The following TPD52 variants were observed in gnomAD, a reference collection of about 807,000 sequenced individuals.
The protein encoded by TPD52 is prostate and colon associated protein.
In TPD52, 17 loss-of-function variants were observed where a neutral mutation model predicts 31.3. That is an observed-to-expected ratio of 0.54 (90% CI 0.37 to 0.82). The LOEUF (loss-of-function observed/expected upper bound fraction) is 0.82. TPD52 is among the 40% of genes least tolerant of loss of function. TPD52 has a pLI of 0.00. For synonymous variants in TPD52, 83 were observed against 89.6 expected (o/e 0.93, Z 0.42); for missense variants, 212 against 240.1 (o/e 0.88, Z 0.77).
In TPD52 at chr8:80,079,655, T is replaced by G. The variant is rs116326994; in HGVS notation, c.20-15062A>C. ...CCAGTTCCCAGCATTGGCTATGAGA[T>G]GAGGGACCCAGCCGGGAGGATGGCT... On this transcript the variant is annotated intron_variant, in intron 1 of 7. Transcript: ENST00000518937. 5.2e-3 allele frequency among the ~76,000 whole-genome samples: 789 copies of G among 152,268 alleles called. 5 individuals carry two copies. Among genetic ancestry groups the G allele is most frequent in the African/African-American group, 0.018 (729 of 41,558 alleles).
intron 3 of TPD52, 89 bp from the exon 4 acceptor site, chr8:80,051,717 G>A: frequency 9.8e-7 from 1 of 1,018,100 alleles, no homozygotes; most frequent in Non-Finnish European, 1.4e-6. Flanking sequence ...GTCACCACCT[G>A]CTGGAGAACT....
At chr8:80,045,731 G>C (rs1810781983) in intron 5 of TPD52, among the ~76,000 whole-genome samples, 1 of 152,198 alleles carries the variant, frequency 6.6e-6, no homozygotes. Context: ...CCAGTTGATG[G>C]AGCTGGTTTG....
At chr8:80,110,886 T>C (rs558711120) in intron 1 of TPD52, among the ~76,000 whole-genome samples, 13 of 152,320 alleles carry the variant, frequency 8.5e-5, no homozygotes, top group African/African-American at 2.9e-4. Context: ...GGTCTGCTGC[T>C]ACCCTATCCA....
At chr8:80,155,189 T>C (rs1355363695) in intron 1 of TPD52, among the ~76,000 whole-genome samples, 6 of 152,114 alleles carry the variant, frequency 3.9e-5, no homozygotes, top group Non-Finnish European at 7.4e-5. Flanking sequence ...ATTGCTTTCA[T>C]GCACCATAAC....
At chr8:80,118,953 T>C (rs1399182662) in intron 1 of TPD52, among the ~76,000 whole-genome samples, 8 of 152,150 alleles carry the variant, frequency 5.3e-5, no homozygotes, top group African/African-American at 1.9e-4. Context: ...AATATGTCTG[T>C]ACAAAAAAAC....
intron 1 of TPD52, among the ~76,000 whole-genome samples, chr8:80,086,730 T>G (rs1053327649): frequency 2.0e-5 from 3 of 151,442 alleles, no homozygotes; most frequent in African/African-American, 7.3e-5. Context: ...AAAAATTAGC[T>G]GGTTGGGGGG....
At chr8:80,138,969 T>C (rs546277560) in intron 1 of TPD52, among the ~76,000 whole-genome samples, 8 of 152,220 alleles carry the variant, frequency 5.3e-5, no homozygotes, top group Non-Finnish European at 8.8e-5. Context: ...CCTCTCCTGC[T>C]AGTGGGGTCT....
At chr8:80,150,089 C>A (rs1242867670) in intron 1 of TPD52, among the ~76,000 whole-genome samples, 4 of 152,226 alleles carry the variant, frequency 2.6e-5, no homozygotes, top group Admixed American at 2.6e-4. Context: ...CAGGGCCCTC[C>A]TGCTGTGTGC....
At chr8:80,084,572 C>A (rs1815586463) in intron 1 of TPD52, among the ~76,000 whole-genome samples, 1 of 152,194 alleles carries the variant, frequency 6.6e-6, no homozygotes, top group African/African-American at 2.4e-5. Flanking sequence ...AGCATCTAAG[C>A]CCCTGCCTCC....
chr8:80,132,039 T>C (rs893891326), intron 1 of TPD52, among the ~76,000 whole-genome samples: 16 of 151,850 alleles, frequency 1.1e-4, no homozygotes, highest in African/African-American at 3.6e-4. Context: ...TTTCTTTTTT[T>C]TTTTTTGGAG....
At chr8:80,048,018 C>A (rs1811034431) in intron 5 of TPD52, among the ~76,000 whole-genome samples, 1 of 152,140 alleles carries the variant, frequency 6.6e-6, no homozygotes. Flanking sequence ...AAGTTTCCCT[C>A]AAAATGCTAA....
intron 1 of TPD52, chr8:80,171,197 G>GCACACT (rs893695683): frequency 2.0e-5 from 14 of 701,658 alleles, no homozygotes; most frequent in African/African-American, 7.0e-5. Flanking sequence ...CCCCACACAC[G>GCACACT]CACACTCACA....
chr8:80,083,108 G>A (rs1815447524), intron 1 of TPD52, among the ~76,000 whole-genome samples: 1 of 151,978 alleles, frequency 6.6e-6, no homozygotes, highest in Admixed American at 6.6e-5. Context: ...AAAGTAGAAA[G>A]GAACTGAAAG....
intron 1 of TPD52, among the ~76,000 whole-genome samples, chr8:80,140,512 G>A (rs1221654679): frequency 2.6e-5 from 4 of 152,146 alleles, no homozygotes; most frequent in Non-Finnish European, 5.9e-5. Flanking sequence ...AGCCATTAAT[G>A]ACCTGAAAGA....
Position 80,035,605 on chromosome 8 carries a change from T to C in TPD52, c.*2511A>G, listed in dbSNP as rs1809846856. 2 of 152,268 alleles carry C rather than the reference T, an allele frequency of 1.3e-5. No homozygotes were observed. Among genetic ancestry groups the C allele is most frequent in the South Asian group, 4.1e-4 (2 of 4,832 alleles). 9.4% of individuals were successfully genotyped at this position (152,268 alleles called of 1,614,324 possible). ...AGATCCAAATTAAATACTTTTTTTC[T>C]ATTTCAAACTATTCTAAGTTGCTAA... On this transcript the variant is annotated 3_prime_UTR_variant, in exon 8 of 8. Coordinates refer to ENST00000518937, the MANE Select transcript of TPD52 (RefSeq NM_001025253.3).
chr8:80,071,031 G>A lies in TPD52; in HGVS notation c.20-6438C>T, dbSNP rs148044338. On this transcript the variant is annotated intron_variant, in intron 1 of 7. Coordinates refer to ENST00000518937, the MANE Select transcript of TPD52 (RefSeq NM_001025253.3). Reference sequence around the variant, plus strand: ...ACAGAGCGCAAAGCACAGAGAACACGCAGAGATTGGGGTGACATCACTACA... The same window carrying A: ...ACAGAGCGCAAAGCACAGAGAACACACAGAGATTGGGGTGACATCACTACA... Among the ~76,000 whole-genome samples the A allele has an allele frequency of 3.8e-3, 584 of 152,276 alleles. 3 individuals carry two copies. Among genetic ancestry groups the A allele is most frequent in the African/African-American group, 0.013 (540 of 41,544 alleles).
intron 1 of TPD52, among the ~76,000 whole-genome samples, chr8:80,083,001 C>T (rs992426307): frequency 6.6e-6 from 1 of 152,138 alleles, no homozygotes; most frequent in South Asian, 2.1e-4. Flanking sequence ...CCAGTCAAGA[C>T]ATTCTAGCCT....
intron 2 of TPD52, among the ~76,000 whole-genome samples, chr8:80,064,050 G>C (rs1487017657): frequency 1.4e-5 from 2 of 146,612 alleles, no homozygotes; most frequent in Non-Finnish European, 1.5e-5. Flanking sequence ...GGCAGGGTAG[G>C]GAAGGGAAGG....
At chr8:80,055,861 C>T (rs1382831221) in intron 2 of TPD52, among the ~76,000 whole-genome samples, 1 of 152,100 alleles carries the variant, frequency 6.6e-6, no homozygotes, top group Non-Finnish European at 1.5e-5. Context: ...TGTTATTATG[C>T]CTGTTATCAA....
Sources: gnomAD v4.1 joint callset for allele counts (sites outside exome capture counted in the v4.1 genomes callset) on GRCh38, gnomAD v4.1.1 for gene constraint, MANE v1.5 for transcripts, NCBI Gene and HGNC (gene_info 2026-07-23, HGNC 2026-07-21) for gene names.